The following DUSP16 variants were observed in gnomAD, a reference collection of about 807,000 sequenced individuals.
DUSP16 encodes the protein dual specificity phosphatase 16.
A neutral mutation model predicts 58.3 loss-of-function variants in DUSP16; 21 were observed. The observed-to-expected ratio is 0.36, with a 90% CI of 0.26 to 0.52. The LOEUF (loss-of-function observed/expected upper bound fraction) is 0.52. DUSP16 is among the 20% of genes least tolerant of loss of function. The pLI is 0.94. For missense variants in DUSP16, 726 were observed against 819.0 expected (o/e 0.89, Z 1.39); for synonymous variants, 320 against 323.8 (o/e 0.99, Z 0.12).
intron 1 of DUSP16, among the ~76,000 whole-genome samples, chr12:12,551,818 G>A (rs1182879234): frequency 3.3e-5 from 5 of 151,358 alleles, no homozygotes; most frequent in South Asian, 2.1e-4. Flanking sequence ...TCAGCCTCCC[G>A]AGTAGCTAGG....
rs996046421 is a variant in DUSP16, at chr12:12,545,899, G to A, written c.-366+16218C>T. On this transcript the variant is annotated intron_variant, in intron 1 of 6. Transcript: ENST00000298573. ...ATCTTTCCCCACCAAATTCAAAGCCGGTAAGAGAAATGGTAACCAAATCAC... is the reference window on the plus strand; with the variant it reads ...ATCTTTCCCCACCAAATTCAAAGCCAGTAAGAGAAATGGTAACCAAATCAC... Among the ~76,000 whole-genome samples the A allele has an allele frequency of 7.2e-5, 11 of 152,204 alleles. No homozygotes were observed. In the East Asian group the frequency reaches 1.4e-3, roughly 19 times the overall value.
At chr12:12,492,245 T>G (rs1943770941) in intron 4 of DUSP16, among the ~76,000 whole-genome samples, 1 of 152,218 alleles carries the variant, frequency 6.6e-6, no homozygotes, top group African/African-American at 2.4e-5. Context: ...GTTTCCCTTT[T>G]TCTTCAAACT....
intron 1 of DUSP16, among the ~76,000 whole-genome samples, chr12:12,549,789 T>TA: frequency 6.8e-6 from 1 of 146,482 alleles, no homozygotes; most frequent in East Asian, 2.0e-4. Context: ...AAAAAAAAAA[T>TA]AGGGAGAGCA....
chr12:12,508,940 A>G (rs761843789), intron 3 of DUSP16, among the ~76,000 whole-genome samples: 5 of 152,240 alleles, frequency 3.3e-5, no homozygotes, highest in Non-Finnish European at 7.3e-5. Flanking sequence ...TCCAGATCTT[A>G]TAACTCAGGA....
At chr12:12,544,762 G>T (rs1026255595) in intron 1 of DUSP16, among the ~76,000 whole-genome samples, 1 of 151,332 alleles carries the variant, frequency 6.6e-6, no homozygotes, top group Non-Finnish European at 1.5e-5. Context: ...TTAACCTTTC[G>T]CATTGAGATC....
chr12:12,536,758 G>A (rs1041141099), intron 1 of DUSP16, among the ~76,000 whole-genome samples: 15 of 148,528 alleles, frequency 1.0e-4, no homozygotes, highest in Non-Finnish European at 1.6e-4. Flanking sequence ...AAAAAAAAAC[G>A]CCGATGCGGT....
At chr12:12,534,221 T>C (rs1342474095) in intron 1 of DUSP16, among the ~76,000 whole-genome samples, 1 of 152,236 alleles carries the variant, frequency 6.6e-6, no homozygotes, top group Non-Finnish European at 1.5e-5. Flanking sequence ...ACAGCATCGC[T>C]GTTCATTCAC....
intron 4 of DUSP16, among the ~76,000 whole-genome samples, chr12:12,496,875 T>C (rs1943834637): frequency 6.6e-6 from 1 of 152,070 alleles, no homozygotes; most frequent in East Asian, 1.9e-4. Context: ...AAAAGGAAAA[T>C]AAAAGTATGT....
intron 3 of DUSP16, among the ~76,000 whole-genome samples, chr12:12,501,729 C>T (rs1362221584): frequency 1.3e-5 from 2 of 152,142 alleles, no homozygotes; most frequent in Non-Finnish European, 2.9e-5. Flanking sequence ...CGGTGGCTCA[C>T]GCCTGTAATC....
At chr12:12,540,120 G>C (rs1203448605) in intron 1 of DUSP16, among the ~76,000 whole-genome samples, 1 of 146,034 alleles carries the variant, frequency 6.8e-6, no homozygotes, top group Non-Finnish European at 1.5e-5. Flanking sequence ...CTGAGACCCC[G>C]ACTCTACTTT....
At position 12,476,848 on chromosome 12, in the gene DUSP16, G is replaced by T; in HGVS notation, c.1983C>A (p.Ile661=). 1 of 1,604,536 alleles carries T rather than the reference G, an allele frequency of 6.2e-7. No homozygotes were observed. Among genetic ancestry groups the T allele is most frequent in the Non-Finnish European group, 8.5e-7 (1 of 1,176,824 alleles). The change falls in exon 7 of 7, where the codon ATC becomes ATA. Residue 661 remains isoleucine, a synonymous_variant. Transcript: ENST00000298573. ...GTCTTTCTTCTCAGGAGACCTCAAT[G>T]ATTTCCATGCTGCCCGAAAAGCTAG... is the stretch of plus-strand genomic sequence containing the variant. ...SQSSFSGSME[I]IEVS is the part of the protein sequence containing the mutation.
intron 4 of DUSP16, chr12:12,491,395 A>G (rs1943759368): frequency 6.6e-6 from 1 of 152,150 alleles, no homozygotes; most frequent in Admixed American, 6.5e-5. Flanking sequence ...AACTATAATT[A>G]TGAAGAATGA....
intron 3 of DUSP16, among the ~76,000 whole-genome samples, chr12:12,519,457 A>G (rs1194934064): frequency 6.6e-6 from 1 of 152,230 alleles, no homozygotes; most frequent in Non-Finnish European, 1.5e-5. Flanking sequence ...AATGTTAAGT[A>G]AGAGTTTGAC....
intron 1 of DUSP16, among the ~76,000 whole-genome samples, chr12:12,549,153 G>A (rs1479609466): frequency 6.6e-6 from 1 of 151,860 alleles, no homozygotes; most frequent in African/African-American, 2.4e-5. Context: ...CTTTACCATC[G>A]ACATCATTAT....
chr12:12,473,326 C>T lies in DUSP16; in HGVS notation c.*3507G>A, dbSNP rs537172002. Among the ~76,000 whole-genome samples, 1 of 152,250 alleles carries T rather than the reference C, an allele frequency of 6.6e-6. No homozygotes were observed. Among genetic ancestry groups the T allele is most frequent in the East Asian group, 1.9e-4 (1 of 5,158 alleles). ...TGTAGTTGTCACATCCAAACCAGTC[C>T]TCCAACAATAGCCTGCTGAGGCTGG... On this transcript the variant is annotated 3_prime_UTR_variant, in exon 7 of 7. Coordinates refer to ENST00000298573, the MANE Select transcript of DUSP16 (RefSeq NM_030640.3).
intron 3 of DUSP16, among the ~76,000 whole-genome samples, chr12:12,510,315 C>A (rs1311143388): frequency 6.6e-6 from 1 of 152,186 alleles, no homozygotes; most frequent in African/African-American, 2.4e-5. Context: ...AAAAGGAATA[C>A]AAGTCTAGTG....
chr12:12,560,153 T>TGCACTATGATCATTTG (rs1446965507), intron 1 of DUSP16, among the ~76,000 whole-genome samples: 2 of 152,154 alleles, frequency 1.3e-5, no homozygotes, highest in African/African-American at 4.8e-5. Flanking sequence ...TCCATAATCA[T>TGCACTATGATCATTTG]GCACTATGAT....
intron 5 of DUSP16, among the ~76,000 whole-genome samples, chr12:12,486,226 A>G (rs914097625): frequency 2.0e-5 from 3 of 152,164 alleles, no homozygotes; most frequent in African/African-American, 7.2e-5. Flanking sequence ...TGGAACATCA[A>G]GAGTCACTGT....
intron 4 of DUSP16, among the ~76,000 whole-genome samples, chr12:12,493,695 G>A (rs1943792161): frequency 6.6e-6 from 1 of 152,074 alleles, no homozygotes; most frequent in African/African-American, 2.4e-5. Context: ...TCTTCTGCCT[G>A]TACTGCTCTT....
Sources: gnomAD v4.1 joint callset for allele counts (sites outside exome capture counted in the v4.1 genomes callset) on GRCh38, gnomAD v4.1.1 for gene constraint, MANE v1.5 for transcripts, NCBI Gene and HGNC (gene_info 2026-07-23, HGNC 2026-07-21) for gene names.